Variants in RALGAPA1 observed in about 807,000 individuals in gnomAD.
The protein encoded by RALGAPA1 is ral GTPase-activating protein subunit alpha-1.
In RALGAPA1, 52 loss-of-function variants were observed where a neutral mutation model predicts 269.6. The ratio of observed to expected loss-of-function variants is 0.19; its 90% confidence interval spans 0.15 to 0.24. The LOEUF (loss-of-function observed/expected upper bound fraction) is 0.24, where lower values mean the gene tolerates loss of function less well. RALGAPA1 is among the 10% of genes least tolerant of loss of function. The probability of loss-of-function intolerance (pLI) is 1.00; values close to 1 mark genes in which losing one functional copy is unlikely to be tolerated. For missense variants in RALGAPA1, 1,917 were observed against 3,013.9 expected, an observed-to-expected ratio of 0.64 and a Z score of 8.52; for synonymous variants, 817 against 1,008.3, an observed-to-expected ratio of 0.81 and a Z score of 3.60.
intron 17 of RALGAPA1, 141 bp downstream of exon 17, chr14:35,700,021 G>T: frequency 1.5e-6 from 1 of 686,310 alleles, no homozygotes; most frequent in Non-Finnish European, 2.3e-6. Context: ...TCAAAATGTT[G>T]ATTTCTCAAT....
chr14:35,758,662 C>T (rs549009536), intron 6 of RALGAPA1, among the ~76,000 whole-genome samples: 19 of 152,100 alleles, frequency 1.2e-4, no homozygotes, highest in Middle Eastern at 3.4e-3. Context: ...TTGTTTGAGC[C>T]CAAGAGTTCA....
chr14:35,725,179 T>G (rs756847202), intron 13 of RALGAPA1, 26 bp from the exon 14 acceptor site: 1 of 1,503,134 alleles, frequency 6.7e-7, no homozygotes, highest in South Asian at 1.4e-5. Flanking sequence ...CTGATTAATG[T>G]TTCCTTCTTG....
intron 35 of RALGAPA1, among the ~76,000 whole-genome samples, chr14:35,618,730 A>G (rs1454027858): frequency 6.6e-6 from 1 of 152,174 alleles, no homozygotes; most frequent in Non-Finnish European, 1.5e-5. Flanking sequence ...TAAAATCAAT[A>G]AGAGAATTCA....
chr14:35,553,125 T>TAG (rs2055182854), intron 39 of RALGAPA1, among the ~76,000 whole-genome samples: 1 of 152,162 alleles, frequency 6.6e-6, no homozygotes, highest in African/African-American at 2.4e-5. Context: ...AGGATACAAA[T>TAG]ACGGGGTAAC....
At position 35,689,316 on chromosome 14, in the gene RALGAPA1, T is replaced by A; in HGVS notation, c.3095A>T (p.Gln1032Leu). 1.6e-6 allele frequency: 2 copies of A among 1,232,252 alleles called. No individual in the cohort carries two copies. The highest frequency in any genetic ancestry group is 2.0e-6 in the Non-Finnish European group (2 of 988,052). The allele number at this position is 1,232,252 out of a possible 1,614,324, so 76.3% of individuals were successfully genotyped here. Residue 1032 changes from glutamine (Q) to leucine (L), a missense_variant, in exon 18 of 42, where the codon CAA (glutamine) becomes CTA (leucine). Gln to Leu is a moderately radical substitution (Grantham distance 113). Transcript: ENST00000680220. ...PNQSDSFFRTQTSEKSKQLNT... is the reference protein window; with the variant it reads ...PNQSDSFFRTLTSEKSKQLNT... ...TAGTTGCTTAGATTTTTCAGAAGTTTGTGTTCTAAAAAAACTGTCTGACTG... is the reference window on the plus strand; with the variant it reads ...TAGTTGCTTAGATTTTTCAGAAGTTAGTGTTCTAAAAAAACTGTCTGACTG...
intron 27 of RALGAPA1, 114 bp from the exon 28 acceptor site, chr14:35,659,310 A>G (rs1244265523): frequency 5.2e-6 from 3 of 580,590 alleles, no homozygotes; most frequent in Admixed American, 3.6e-5. Context: ...TGTACTTTCA[A>G]TAAAGAGACC....
Position 35,689,132 on chromosome 14 carries a change from A to G in RALGAPA1, c.3279T>C (p.Thr1093=), listed in dbSNP as rs910498179. The change falls in exon 18 of 42, where the codon ACT becomes ACC. Residue 1093 remains threonine (T), a synonymous_variant. Coordinates refer to ENST00000680220, the MANE Select transcript of RALGAPA1 (RefSeq NM_001346249.2). ...TCTTGGCACGCATAACATGTGGGAC[A>G]GTGATTTTTTCATTAATTTGCACAC... ...LKSVQINEKI[T]VPHVMRAKKA... 8.1e-7 allele frequency: 1 copy of G among 1,234,996 alleles called. No individual in the cohort carries two copies. Among genetic ancestry groups the G allele is most frequent in the Non-Finnish European group, 1.0e-6 (1 of 989,750 alleles). 76.5% of individuals were successfully genotyped at this position (1,234,996 alleles called of 1,614,324 possible).
intron 15 of RALGAPA1, among the ~76,000 whole-genome samples, chr14:35,722,806 A>G (rs1353322031): frequency 6.6e-6 from 1 of 152,208 alleles, no homozygotes; most frequent in East Asian, 1.9e-4. Flanking sequence ...TATTGTACAC[A>G]TTTTAAATAG....
At chr14:35,607,610 A>T (rs1194699273) in intron 35 of RALGAPA1, among the ~76,000 whole-genome samples, 1 of 152,220 alleles carries the variant, frequency 6.6e-6, no homozygotes, top group Non-Finnish European at 1.5e-5. Context: ...GTAGAGTGAC[A>T]CTGCCACTCC....
intron 13 of RALGAPA1, among the ~76,000 whole-genome samples, chr14:35,727,575 C>T (rs990517889): frequency 6.6e-6 from 1 of 151,604 alleles, no homozygotes; most frequent in African/African-American, 2.4e-5. Flanking sequence ...ATTTATAGAG[C>T]ACCAATGATA....
At position 35,689,787 on chromosome 14, in the gene RALGAPA1, T is replaced by G. The variant is rs747732498; in HGVS notation, c.2624A>C (p.Gln875Pro). 1 of 1,545,572 alleles carries G rather than the reference T, an allele frequency of 6.5e-7. No individual in the cohort carries two copies. Among genetic ancestry groups the G allele is most frequent in the African/African-American group, 1.4e-5 (1 of 70,168 alleles). Reference sequence around the variant, plus strand: ...TATTGAAGAAGCCTCTGTGGAACTCTGCAAGCTTGGTGCATGACGGGATGA... The same window carrying G: ...TATTGAAGAAGCCTCTGTGGAACTCGGCAAGCTTGGTGCATGACGGGATGA... ...DSSSRHAPSL[Q>P]SSTEASSITR... Residue 875 changes from glutamine (Q) to proline (P), a missense_variant, in exon 18 of 42, where the codon CAG (glutamine) becomes CCG (proline). Around this residue, in one of 11 missense-constraint regions of RALGAPA1, gnomAD observed 615 missense variants for 790.0 expected, o/e 0.78. Coordinates refer to ENST00000680220, the MANE Select transcript of RALGAPA1 (RefSeq NM_001346249.2).
intron 8 of RALGAPA1, among the ~76,000 whole-genome samples, chr14:35,751,023 G>T (rs1164959840): frequency 6.6e-6 from 1 of 152,184 alleles, no homozygotes; most frequent in Non-Finnish European, 1.5e-5. Context: ...CACATAGTTT[G>T]AAGTCATACA....
chr14:35,765,606 TC>T (rs199672375), intron 4 of RALGAPA1, among the ~76,000 whole-genome samples: 1,632 of 152,280 alleles, frequency 0.011, 33 homozygotes, highest in African/African-American at 0.038. Flanking sequence ...TCTCAAGTTA[TC>T]CTCTCACCTC....
intron 16 of RALGAPA1, among the ~76,000 whole-genome samples, chr14:35,702,962 A>G (rs1015881240): frequency 6.6e-6 from 1 of 152,056 alleles, no homozygotes; most frequent in Non-Finnish European, 1.5e-5. Flanking sequence ...ATTTTTAAAT[A>G]TATTTTTTAA....
At chr14:35,701,847 CT>C (rs1418774912) in intron 16 of RALGAPA1, among the ~76,000 whole-genome samples, 1 of 152,010 alleles carries the variant, frequency 6.6e-6, no homozygotes, top group Non-Finnish European at 1.5e-5. Flanking sequence ...CAAGGTCTCG[CT>C]ATGGTATCCA....
Position 35,683,919 on chromosome 14 carries a change from T to G in RALGAPA1, c.4361A>C (p.His1454Pro). The G allele has an allele frequency of 6.2e-7, 1 of 1,613,696 alleles. No homozygotes were observed. The highest frequency in any genetic ancestry group is 8.5e-7 in the Non-Finnish European group (1 of 1,179,738). The change falls in exon 21 of 42, where the codon CAT becomes CCT. Residue 1454 changes from histidine to proline, a missense_variant. This residue lies in a region of RALGAPA1 where 615 missense variants were observed against 790.0 expected (regional missense o/e 0.78). Coordinates refer to ENST00000680220, the MANE Select transcript of RALGAPA1 (RefSeq NM_001346249.2). ...CACTTCCTGCTCTTCAGCACTCTGA[T>G]GATGGCCAGAACCTGAATCCACATC... ...SADVDSGSGH[H>P]QSAEEQEVAS...
chr14:35,574,252 C>A (rs1446879333), intron 37 of RALGAPA1, among the ~76,000 whole-genome samples: 4 of 152,186 alleles, frequency 2.6e-5, no homozygotes, highest in Non-Finnish European at 4.4e-5. Context: ...GCTACATTAA[C>A]CCTTGAACTC....
intron 17 of RALGAPA1, among the ~76,000 whole-genome samples, chr14:35,697,316 C>G (rs1170007746): frequency 6.6e-6 from 1 of 151,832 alleles, no homozygotes; most frequent in Non-Finnish European, 1.5e-5. Flanking sequence ...GAGACATATT[C>G]AATTATAAAC....
intron 1 of RALGAPA1, among the ~76,000 whole-genome samples, chr14:35,792,212 A>C (rs2076228377): frequency 6.6e-6 from 1 of 151,918 alleles, no homozygotes. Context: ...ACTGGAGTGC[A>C]GTGGCACGAT....
Sources: allele counts gnomAD v4.1 joint callset (sites outside exome capture counted in the v4.1 genomes callset), GRCh38; gene constraint gnomAD v4.1.1; regional missense constraint gnomAD v4.1.1; transcripts MANE v1.5; gene names NCBI Gene and HGNC (gene_info 2026-07-23, HGNC 2026-07-21).